PFKM: variants seen among roughly 807,000 people sequenced by gnomAD.
PFKM encodes the protein phosphofructokinase, muscle, also known as ATP-dependent 6-phosphofructokinase, muscle type.
A neutral mutation model predicts 95.5 loss-of-function variants in PFKM; 58 were observed. That is an observed-to-expected ratio of 0.61 (90% confidence interval 0.49 to 0.76). The LOEUF (loss-of-function observed/expected upper bound fraction) is 0.76. Among genes scored for constraint, PFKM ranks in the 30% least tolerant of loss-of-function variants. PFKM has a pLI of 0.00. For missense variants in PFKM, 678 were observed against 1,005.4 expected, an observed-to-expected ratio of 0.67 and a Z score of 4.40; for synonymous variants, 336 against 357.2, an observed-to-expected ratio of 0.94 and a Z score of 0.67.
At chr12:48,121,377 A>C (rs1240668066) in intron 1 of PFKM, among the ~76,000 whole-genome samples, 1 of 152,222 alleles carries the variant, frequency 6.6e-6, no homozygotes, top group African/African-American at 2.4e-5. Context: ...TCGAATGCCA[A>C]CCCAACAAGT....
At chr12:48,127,267 T>C (rs1291576473) in intron 2 of PFKM, among the ~76,000 whole-genome samples, 3 of 152,220 alleles carry the variant, frequency 2.0e-5, no homozygotes, top group Non-Finnish European at 4.4e-5. Context: ...TCCTTCAATG[T>C]TGGTTTTCCT....
chr12:48,134,871 G>T (rs776321633), intron 8 of PFKM, 42 bp downstream of exon 8: 2 of 1,588,928 alleles, frequency 1.3e-6, no homozygotes, highest in South Asian at 1.1e-5. Flanking sequence ...CCCTCACCCT[G>T]TTCCACTGAT....
chr12:48,113,348 T>C (rs944127880), intron 3 of PFKM, among the ~76,000 whole-genome samples: 7 of 152,126 alleles, frequency 4.6e-5, no homozygotes, highest in African/African-American at 1.7e-4. Flanking sequence ...CTAAAGCGTC[T>C]GTGATGGTCC....
At chr12:48,124,837 G>T (rs1051107157) in intron 2 of PFKM, among the ~76,000 whole-genome samples, 4 of 152,200 alleles carry the variant, frequency 2.6e-5, no homozygotes, top group Admixed American at 1.3e-4. Context: ...AAATAGAGCT[G>T]AGAGGTCCTA....
chr12:48,107,944 A>C, intron 2 of PFKM: 1 of 873,934 alleles, frequency 1.1e-6, no homozygotes, highest in Non-Finnish European at 1.7e-6. Context: ...CGCGTCTCTA[A>C]TTTTTCACTG....
In PFKM at chr12:48,106,666, G is replaced by T. The variant is rs1946651215; in HGVS notation, c.-10+529G>T. On this transcript the variant is annotated intron_variant, in intron 1 of 24. Transcript: ENST00000340802. ...AACAAGTTTCTTAACTTGCAATCCT[G>T]TACTCTGCACCACCTCATACTTGAT... The T allele has an allele frequency of 4.9e-5, 8 of 161,998 alleles. No individual in the cohort carries two copies. In the South Asian group the frequency reaches 1.2e-3, roughly 24 times the overall value. 10.0% of individuals were successfully genotyped at this position (161,998 alleles called of 1,614,324 possible).
At chr12:48,142,724 G>C (rs970271605) in intron 17 of PFKM, 58 bp from the exon 18 acceptor site, 19 of 1,456,492 alleles carry the variant, frequency 1.3e-5, no homozygotes, top group Non-Finnish European at 1.7e-5. Context: ...AGATTAAAGA[G>C]TGATAAGAAT....
intron 1 of PFKM, 45 bp from the exon 2 acceptor site, chr12:48,122,722 C>T (rs1948409088): frequency 6.2e-7 from 1 of 1,613,010 alleles, no homozygotes; most frequent in African/African-American, 1.3e-5. Flanking sequence ...CTAGTGGCAT[C>T]TTGATTCCTG....
chr12:48,107,265 C>G (rs184376897), intron 1 of PFKM: 1 of 750,674 alleles, frequency 1.3e-6, no homozygotes, highest in East Asian at 2.5e-5. Flanking sequence ...TTGTCAAGTC[C>G]TAAGGCCAAG....
chr12:48,145,468 C>G lies in PFKM; in HGVS notation c.2199-96C>G. 6 of 1,469,094 alleles carry G rather than the reference C, an allele frequency of 4.1e-6. No homozygotes were observed. In the Admixed American group the frequency reaches 8.8e-5, roughly 21 times the overall value. The allele number at this position is 1,469,094 out of a possible 1,614,324, so 91.0% of individuals were successfully genotyped here. On this transcript the variant is annotated intron_variant, in intron 22 of 22. Coordinates refer to ENST00000359794, the MANE Select transcript of PFKM (RefSeq NM_000289.6). This position sits in a 1 kb window ranked among gnomAD's most constrained non-coding sequence, Gnocchi z 4.3. The stretch of plus-strand genomic sequence containing the variant: ...CAGATGTGATGCACATGTCCTAAAT[C>G]TAACCTCTTCTGTCTAACTTCTTCC...
chr12:48,130,497 AT>A, intron 3 of PFKM, 61 bp downstream of exon 3: 2 of 1,249,898 alleles, frequency 1.6e-6, no homozygotes, highest in Non-Finnish European at 2.4e-6. Context: ...TCTGCCTTCT[AT>A]CCCCTTCCCA....
chr12:48,132,488 G>A (rs1338777909), intron 4 of PFKM, among the ~76,000 whole-genome samples: 1 of 152,206 alleles, frequency 6.6e-6, no homozygotes, highest in Admixed American at 6.5e-5. Flanking sequence ...ACACAATCCA[G>A]TAATGTCAGG....
chr12:48,129,510 G>A (rs1949234160), intron 2 of PFKM, among the ~76,000 whole-genome samples: 1 of 152,190 alleles, frequency 6.6e-6, no homozygotes, highest in South Asian at 2.1e-4. Flanking sequence ...GGAGAACGCA[G>A]TGAGAGAATA....
chr12:48,132,824 G>GT (rs749022717), intron 4 of PFKM, 44 bp from the exon 5 acceptor site: 1 of 1,521,942 alleles, frequency 6.6e-7, no homozygotes, highest in East Asian at 2.4e-5. Context: ...ATCTCAGCAT[G>GT]TTGAGCCCTG....
Position 48,139,277 on chromosome 12 carries a change from C to A in PFKM, c.1063-8C>A. The A allele has an allele frequency of 6.2e-7, 1 of 1,612,048 alleles. No homozygotes were observed. Among genetic ancestry groups the A allele is most frequent in the Non-Finnish European group, 8.5e-7 (1 of 1,178,420 alleles). On this transcript the variant is annotated splice_polypyrimidine_tract_variant and splice_region_variant and intron_variant, in intron 11 of 22. Transcript: ENST00000359794. Reference sequence around the variant, plus strand: ...GGAGTTGAAACTGTCGCTGTGCTCCCCCCTCAGACCAAAGATGTGACCAAG... The same window carrying A: ...GGAGTTGAAACTGTCGCTGTGCTCCACCCTCAGACCAAAGATGTGACCAAG...
At chr12:48,141,648 C>A in intron 15 of PFKM, 92 bp from the exon 16 acceptor site, 1 of 975,218 alleles carries the variant, frequency 1.0e-6, no homozygotes, top group Non-Finnish European at 1.7e-6. Flanking sequence ...AAATAAAGTG[C>A]CTCTAACTCT....
In PFKM at chr12:48,107,446, C is replaced by T. The variant is rs1565832464; in HGVS notation, c.73C>T (p.Gln25Ter). The change falls in exon 2 of 25, where the codon CAG (glutamine) becomes TAG (stop). Residue 25 changes from glutamine (Q) to a stop codon, truncating the protein, a stop_gained. Transcript: ENST00000340802. LOFTEE classifies it high-confidence loss of function. ...GTCTCGCCAGTTAGTCAGGACTCCT[C>T]AGAGAACAGGTACCCTTGTCTCCTG... The T allele has an allele frequency of 3.8e-6, 6 of 1,591,420 alleles. No homozygotes were observed. The highest frequency in any genetic ancestry group is 1.3e-5 in the African/African-American group (1 of 74,892).
At chr12:48,137,443 T>G in intron 10 of PFKM, 2 of 490,398 alleles carry the variant, frequency 4.1e-6, no homozygotes, top group Non-Finnish European at 7.4e-6. Context: ...AAGAAGGGAA[T>G]ATTATTAAGC....
Position 48,108,360 on chromosome 12 carries a change from G to A in PFKM, c.205+166G>A, listed in dbSNP as rs73102080. ...ACAGAGAGAGAGAGAAAGAGAGAGA[G>A]AAAGAGAAAGAGGGATGGGGAGGGA... On this transcript the variant is annotated intron_variant, in intron 3 of 24. Coordinates refer to the PFKM transcript ENST00000340802. 0.023 allele frequency among the ~76,000 whole-genome samples: 3,531 copies of A among 152,064 alleles called. 61 individuals carry two copies. The highest frequency in any genetic ancestry group is 0.035 in the Non-Finnish European group (2,374 of 67,996).
Sources: allele counts gnomAD v4.1 joint callset (sites outside exome capture counted in the v4.1 genomes callset), GRCh38; gene constraint gnomAD v4.1.1; non-coding constraint Gnocchi (gnomAD v3.1); transcripts MANE v1.5; gene names NCBI Gene and HGNC (gene_info 2026-07-23, HGNC 2026-07-21).